ITGA11: variants seen among roughly 807,000 people sequenced by gnomAD.
ITGA11 encodes integrin alpha-11.
Under a neutral mutation model 141.9 loss-of-function variants are expected in ITGA11, and 97 were observed. The ratio of observed to expected loss-of-function variants is 0.68; its 90% CI spans 0.58 to 0.81. The LOEUF (loss-of-function observed/expected upper bound fraction) is 0.81. ITGA11 is among the 30% of genes least tolerant of loss of function. The probability of loss-of-function intolerance (pLI) is 0.00; values close to 1 mark genes in which losing one functional copy is unlikely to be tolerated. For synonymous variants in ITGA11, 658 were observed against 624.6 expected (o/e 1.05, Z -0.80); for missense variants, 1,387 against 1,559.2 (o/e 0.89, Z 1.86).
chr15:68,333,508 C>T lies in ITGA11; in HGVS notation c.1426-1030G>A, dbSNP rs768609305. Among the ~76,000 whole-genome samples the T allele has an allele frequency of 8.5e-5, 13 of 152,242 alleles. No individual in the cohort carries two copies. In the South Asian group the frequency reaches 1.0e-3, roughly 12 times the overall value. ...CCCCTTCTGTTTGGGGTACAGTGCT[C>T]CCCACTTCAGTGAGGGCAACATCCA... On this transcript the variant is annotated intron_variant, in intron 12 of 29. Coordinates refer to ENST00000315757, the MANE Select transcript of ITGA11 (RefSeq NM_001004439.2). The surrounding 1 kb of genome is among the most constrained non-coding windows in gnomAD (Gnocchi z 4.2).
At chr15:68,347,977 G>A (rs905968768) in intron 10 of ITGA11, among the ~76,000 whole-genome samples, 1 of 152,040 alleles carries the variant, frequency 6.6e-6, no homozygotes, top group Non-Finnish European at 1.5e-5. Flanking sequence ...ACACCTGTCT[G>A]TGCAAAGCAC....
chr15:68,336,754 C>T (rs1234951425), intron 11 of ITGA11, among the ~76,000 whole-genome samples: 1 of 152,170 alleles, frequency 6.6e-6, no homozygotes, highest in African/African-American at 2.4e-5. Context: ...AACAGATGTC[C>T]CCTGCAATGC....
chr15:68,344,486 A>G (rs1048259931), intron 10 of ITGA11, among the ~76,000 whole-genome samples: 7 of 152,114 alleles, frequency 4.6e-5, no homozygotes, highest in Non-Finnish European at 1.0e-4. Context: ...CTAGACCTCA[A>G]TCCCAGGAGG....
In ITGA11 at chr15:68,351,405, G is replaced by A; in HGVS notation, c.750-3C>T. 6.2e-7 allele frequency: 1 copy of A among 1,613,586 alleles called. No homozygotes were observed. The highest frequency in any genetic ancestry group is 1.1e-5 in the South Asian group (1 of 91,028). ...CACCCTTCTGGAAAGCCTCTGAGCT[G>A]GAAGCCAAGCACAGGGGCAGGGTCA... On this transcript the variant is annotated splice_region_variant and splice_polypyrimidine_tract_variant and intron_variant, in intron 7 of 29. Transcript: ENST00000315757.
chr15:68,329,851 C>T (rs914664499), intron 15 of ITGA11, among the ~76,000 whole-genome samples: 4 of 152,216 alleles, frequency 2.6e-5, no homozygotes, highest in African/African-American at 7.2e-5. Context: ...GGGCTGCACA[C>T]GCACAGGCCC....
At chr15:68,360,161 T>C (rs1385402813) in intron 5 of ITGA11, among the ~76,000 whole-genome samples, 1 of 152,216 alleles carries the variant, frequency 6.6e-6, no homozygotes, top group Non-Finnish European at 1.5e-5. Flanking sequence ...CTCATACATT[T>C]GTCCTTTTCT....
At chr15:68,330,904 A>G (rs1195713589) in intron 15 of ITGA11, 77 bp downstream of exon 15, 2 of 1,554,412 alleles carry the variant, frequency 1.3e-6, no homozygotes, top group Non-Finnish European at 1.8e-6. Flanking sequence ...AAAGATCCTG[A>G]AGCCTATCTT....
At chr15:68,331,161 G>A in intron 14 of ITGA11, 50 bp from the exon 15 acceptor site, 1 of 1,519,782 alleles carries the variant, frequency 6.6e-7, no homozygotes, top group Non-Finnish European at 8.9e-7. Context: ...GTGAGTGTGG[G>A]GGCGGGCGTC....
chr15:68,337,576 G>T (rs1249725676), intron 11 of ITGA11, among the ~76,000 whole-genome samples: 1 of 152,168 alleles, frequency 6.6e-6, no homozygotes, highest in Non-Finnish European at 1.5e-5. Context: ...GGCAGTGACT[G>T]TGGCTAAGGC....
At position 68,357,218 on chromosome 15, in the gene ITGA11, C is replaced by A. The variant is rs1279996364; in HGVS notation, c.682G>T (p.Ala228Ser). ...DYRSVKDVVEAASHIEQRGGT... is the reference protein window; with the variant it reads ...DYRSVKDVVESASHIEQRGGT... ...CCTCTCTGCTCAATGTGGCTGGCAG[C>A]TTCCACCACATCTTTTACAGACCTG... The change falls in exon 7 of 30, where the codon GCT (alanine) becomes TCT (serine). Residue 228 changes from alanine to serine, a missense_variant. Coordinates refer to ENST00000315757, the MANE Select transcript of ITGA11 (RefSeq NM_001004439.2). 10 of 1,613,856 alleles carry A rather than the reference C, an allele frequency of 6.2e-6. No homozygotes were observed. Among genetic ancestry groups the A allele is most frequent in the Non-Finnish European group, 5.9e-6 (7 of 1,179,892 alleles).
At chr15:68,381,345 A>G (rs938056964) in intron 2 of ITGA11, among the ~76,000 whole-genome samples, 30 of 152,224 alleles carry the variant, frequency 2.0e-4, no homozygotes, top group African/African-American at 7.2e-4. Context: ...GATGGAAAAC[A>G]GATAATACGG....
intron 2 of ITGA11, among the ~76,000 whole-genome samples, chr15:68,386,918 G>C (rs1440224098): frequency 1.3e-5 from 2 of 151,704 alleles, no homozygotes; most frequent in Non-Finnish European, 2.9e-5. Context: ...GGAGAGGTGG[G>C]ACAGGGCAGC....
rs550754461 is a variant in ITGA11 at position 68,332,401 on chromosome 15, G to T, written c.1503C>A (p.Gly501=). The stretch of plus-strand genomic sequence containing the variant: ...GGCCCTCGTTGAAGTACATGGGTGC[G>T]CCCACCAGCAGGACATCAGTCACGC... The part of the protein sequence containing the change: ...GDGVTDVLLV[G]APMYFNEGRE... The change falls in exon 13 of 30, where the codon GGC becomes GGA. Residue 501 remains glycine (G), a synonymous_variant. Transcript: ENST00000315757. The T allele has an allele frequency of 1.2e-6, 2 of 1,610,184 alleles. No individual in the cohort carries two copies. The highest frequency in any genetic ancestry group is 1.3e-5 in the African/African-American group (1 of 74,826).
chr15:68,332,693 C>G (rs1894215888), intron 12 of ITGA11, among the ~76,000 whole-genome samples: 1 of 152,204 alleles, frequency 6.6e-6, no homozygotes, highest in South Asian at 2.1e-4. Context: ...TCCCTCTTTT[C>G]CTTCTGTCAT....
chr15:68,430,155 G>A (rs551391927), intron 1 of ITGA11, among the ~76,000 whole-genome samples: 7 of 152,318 alleles, frequency 4.6e-5, no homozygotes, highest in African/African-American at 1.7e-4. Context: ...ACATAACTCA[G>A]GAGTGGTTTT....
chr15:68,427,186 T>C (rs1046169454), intron 1 of ITGA11, among the ~76,000 whole-genome samples: 2 of 152,172 alleles, frequency 1.3e-5, no homozygotes, highest in Non-Finnish European at 2.9e-5. Flanking sequence ...CAAGGCCTTA[T>C]TGAGATGTGA....
rs6145615 is a variant in ITGA11 at position 68,342,997 on chromosome 15, TTCTCTCTCTCTCTCTC to T, written c.1132-3369_1132-3354del. ...TAGCTGTGTGACCCTGGGCAAGTTC[TTCTCTCTCTCTCTCTC>T]TCTCTCTCTCTCTCTCTCTCTCTCT... On this transcript the variant is annotated intron_variant, in intron 10 of 29. Coordinates refer to ENST00000315757, the MANE Select transcript of ITGA11 (RefSeq NM_001004439.2). 2.6e-3 allele frequency among the ~76,000 whole-genome samples: 369 copies of T among 143,902 alleles called. 1 individual carries two copies. The highest frequency in any genetic ancestry group is 5.4e-3 in the South Asian group (23 of 4,292). 94.4% of individuals were successfully genotyped at this position (143,902 alleles called of 152,430 possible).
At chr15:68,410,332 G>A (rs1312030060) in intron 1 of ITGA11, among the ~76,000 whole-genome samples, 1 of 152,174 alleles carries the variant, frequency 6.6e-6, no homozygotes, top group African/African-American at 2.4e-5. Context: ...CTTGGAGGGA[G>A]GGCGCTGGGA....
intron 2 of ITGA11, among the ~76,000 whole-genome samples, chr15:68,385,188 GA>G (rs927234427): frequency 7.2e-5 from 11 of 152,378 alleles, no homozygotes; most frequent in African/African-American, 2.6e-4. Context: ...CCATTGCTTG[GA>G]AAGTAGCCAA....
Sources: gnomAD v4.1 joint callset for allele counts (sites outside exome capture counted in the v4.1 genomes callset) on GRCh38, gnomAD v4.1.1 for gene constraint, Gnocchi (gnomAD v3.1) non-coding constraint, MANE v1.5 for transcripts, NCBI Gene and HGNC (gene_info 2026-07-23, HGNC 2026-07-21) for gene names.